The following PLD1 variants were observed in gnomAD, a reference collection of about 807,000 sequenced individuals.
PLD1 encodes choline phosphatase 1.
In PLD1, 112 loss-of-function variants were observed where a neutral mutation model predicts 137.1. That is an observed-to-expected ratio of 0.82 (90% confidence interval 0.70 to 0.96). The LOEUF is 0.96. Among genes scored for constraint, PLD1 ranks in the 40% least tolerant of loss-of-function variants. PLD1 has a pLI of 0.00. For missense variants in PLD1, 1,321 were observed against 1,342.0 expected, an observed-to-expected ratio of 0.98 and a Z score of 0.24; for synonymous variants, 431 against 454.7, an observed-to-expected ratio of 0.95 and a Z score of 0.66.
At chr3:171,749,788 C>CAG (rs927987317) in intron 1 of PLD1, among the ~76,000 whole-genome samples, 1 of 152,156 alleles carries the variant, frequency 6.6e-6, no homozygotes, top group Non-Finnish European at 1.5e-5. Flanking sequence ...GAGAGAGCCA[C>CAG]AGAGAGGGAG....
rs775212285 is a variant in PLD1 at position 171,733,503 on chromosome 3, G to A, written c.547C>T (p.Leu183=). ...AGTATCTTTGTCAAGTAATCTTCCA[G>A]TTGTTTCTGTAATGCAAATATTTTA... ...EEQFLGRRKQ[L]EDYLTKILKM... The change falls in exon 6 of 27, where the codon CTG becomes TTG. Residue 183 remains leucine (L), a synonymous_variant. Coordinates refer to ENST00000351298, the MANE Select transcript of PLD1 (RefSeq NM_002662.5). 9 of 1,260,954 alleles carry A rather than the reference G, an allele frequency of 7.1e-6. No homozygotes were observed. Among genetic ancestry groups the A allele is most frequent in the Non-Finnish European group, 1.0e-5 (9 of 865,356 alleles). 78.1% of individuals were successfully genotyped at this position (1,260,954 alleles called of 1,614,324 possible).
At chr3:171,684,916 C>T (rs957665482) in intron 16 of PLD1, among the ~76,000 whole-genome samples, 3 of 152,152 alleles carry the variant, frequency 2.0e-5, no homozygotes, top group Non-Finnish European at 4.4e-5. Flanking sequence ...TATATCGATG[C>T]TGTTATGATT....
chr3:171,689,414 T>C (rs1433285426), intron 13 of PLD1, among the ~76,000 whole-genome samples: 1 of 151,216 alleles, frequency 6.6e-6, no homozygotes, highest in Non-Finnish European at 1.5e-5. Context: ...GTCTGACCTA[T>C]CTTATTTTCA....
chr3:171,738,046 T>C lies in PLD1; in HGVS notation c.6A>G (p.Ser2=). ...TATTTACCCGTGGCTCGTTTTTCAG[T>C]GACATGTTAACTTTGGACAGAGTAA... M[S]LKNEPRVNTS... The change falls in exon 2 of 27, where the codon TCA becomes TCG. Residue 2 remains serine (S), a synonymous_variant. Transcript: ENST00000351298. The C allele has an allele frequency of 1.2e-6, 2 of 1,612,616 alleles. No individual in the cohort carries two copies. The highest frequency in any genetic ancestry group is 1.1e-5 in the South Asian group (1 of 90,772).
At chr3:171,656,370 C>T (rs1282546152) in intron 21 of PLD1, among the ~76,000 whole-genome samples, 2 of 152,156 alleles carry the variant, frequency 1.3e-5, no homozygotes, top group Non-Finnish European at 2.9e-5. Context: ...AGAGTTTCAC[C>T]ACACTGGTCA....
chr3:171,785,595 C>T (rs985734446), intron 1 of PLD1, among the ~76,000 whole-genome samples: 3 of 152,118 alleles, frequency 2.0e-5, no homozygotes, highest in South Asian at 4.1e-4. Context: ...CGTGCCACCA[C>T]GGCAAGCTAA....
At chr3:171,664,932 G>T (rs1299575544) in intron 19 of PLD1, among the ~76,000 whole-genome samples, 1 of 152,136 alleles carries the variant, frequency 6.6e-6, no homozygotes, top group Non-Finnish European at 1.5e-5. Context: ...ATAATGGTAT[G>T]TGGCACTTAG....
At chr3:171,721,162 A>G (rs1039121303) in intron 8 of PLD1, among the ~76,000 whole-genome samples, 2 of 152,154 alleles carry the variant, frequency 1.3e-5, no homozygotes, top group African/African-American at 4.8e-5. Context: ...GCACTCGAAA[A>G]ATGACTGAAT....
chr3:171,755,238 A>G (rs1036355900), intron 1 of PLD1, among the ~76,000 whole-genome samples: 2 of 152,034 alleles, frequency 1.3e-5, no homozygotes, highest in Non-Finnish European at 2.9e-5. Context: ...CAACTTCCTA[A>G]GAAAGTTGTC....
intron 1 of PLD1, among the ~76,000 whole-genome samples, chr3:171,745,891 G>A (rs1415358026): frequency 6.6e-6 from 1 of 152,040 alleles, no homozygotes; most frequent in Non-Finnish European, 1.5e-5. Context: ...GGTGTGGAGG[G>A]AGAGACGCCA....
chr3:171,727,767 A>T (rs932590656), intron 6 of PLD1, among the ~76,000 whole-genome samples: 2 of 152,172 alleles, frequency 1.3e-5, no homozygotes, highest in African/African-American at 4.8e-5. Flanking sequence ...TGGGATTAGT[A>T]AAACAAAAGT....
intron 18 of PLD1, among the ~76,000 whole-genome samples, chr3:171,675,332 A>G (rs1348759973): frequency 6.6e-6 from 1 of 152,208 alleles, no homozygotes; most frequent in East Asian, 1.9e-4. Flanking sequence ...TAAAAGAATC[A>G]TTTGTTTAAT....
At chr3:171,799,979 T>C (rs1723580977) in intron 1 of PLD1, among the ~76,000 whole-genome samples, 1 of 152,140 alleles carries the variant, frequency 6.6e-6, no homozygotes, top group South Asian at 2.1e-4. Context: ...AAATGCAGCA[T>C]GGTATCCTGG....
intron 21 of PLD1, chr3:171,653,827 C>T (rs535770813): frequency 6.4e-5 from 11 of 172,386 alleles, no homozygotes; most frequent in South Asian, 2.4e-4. Context: ...ATATAAGCTA[C>T]GTAGAACAGA....
At chr3:171,616,145 T>C (rs1027724751) in intron 24 of PLD1, among the ~76,000 whole-genome samples, 3 of 152,236 alleles carry the variant, frequency 2.0e-5, no homozygotes, top group African/African-American at 7.2e-5. Flanking sequence ...ACAATTTCTT[T>C]GCCCATTTTT....
intron 11 of PLD1, 107 bp from the exon 12 acceptor site, chr3:171,699,933 C>T (rs1028325771): frequency 2.7e-5 from 22 of 816,336 alleles, no homozygotes; most frequent in Admixed American, 2.4e-4. Flanking sequence ...CCATTATCAT[C>T]CTCCATTGTG....
chr3:171,677,688 C>A lies in PLD1; in HGVS notation c.1874G>T (p.Gly625Val). 1 of 1,613,740 alleles carries A rather than the reference C, an allele frequency of 6.2e-7. No individual in the cohort carries two copies. Among genetic ancestry groups the A allele is most frequent in the Non-Finnish European group, 8.5e-7 (1 of 1,179,836 alleles). ...ACCTGTCTGTAAACTACGGATGGAC[C>A]CGGTATCTGTGAATGCAGCAAGACC... ...QGLTRPHADT[G>V]SIRSLQTGVG... The change falls in exon 17 of 27, where the codon GGG becomes GTG. Residue 625 changes from glycine (G) to valine (V), a missense_variant. By Grantham distance (109) the Gly-to-Val change is moderately radical. Coordinates refer to ENST00000351298, the MANE Select transcript of PLD1 (RefSeq NM_002662.5).
intron 6 of PLD1, among the ~76,000 whole-genome samples, chr3:171,731,557 G>A (rs938810887): frequency 1.2e-4 from 19 of 152,154 alleles, no homozygotes; most frequent in East Asian, 1.2e-3. Flanking sequence ...AGAGGCGGGC[G>A]GATCACAAGG....
intron 20 of PLD1, among the ~76,000 whole-genome samples, chr3:171,661,408 C>T (rs1711510676): frequency 6.6e-6 from 1 of 152,100 alleles, no homozygotes; most frequent in Admixed American, 6.5e-5. Flanking sequence ...TTTATTTTCT[C>T]AGGGTTTTTC....
Sources: gnomAD v4.1 joint callset for allele counts (sites outside exome capture counted in the v4.1 genomes callset) on GRCh38, gnomAD v4.1.1 for gene constraint, MANE v1.5 for transcripts, NCBI Gene and HGNC (gene_info 2026-07-23, HGNC 2026-07-21) for gene names.